Variants in AHR observed in about 807,000 individuals in gnomAD.
The protein encoded by AHR is aryl hydrocarbon receptor.
AHR carries 40 observed loss-of-function variants against 86.8 expected under a neutral mutation model. The observed-to-expected ratio is 0.46, with a 90% CI of 0.36 to 0.60. The LOEUF (loss-of-function observed/expected upper bound fraction) is 0.60. Ranked by LOEUF, AHR falls within the 20% of genes least tolerant of loss-of-function variation. The pLI, the probability that AHR is intolerant of heterozygous loss-of-function variation, is 0.00. For missense variants in AHR, 1,001 were observed against 1,011.6 expected (o/e 0.99, Z 0.14); for synonymous variants, 398 against 354.9 (o/e 1.12, Z -1.37).
rs767773568 is a variant in AHR at position 17,334,048 on chromosome 7, G to A, written c.842G>A (p.Arg281Gln). The A allele has an allele frequency of 9.9e-6, 16 of 1,613,266 alleles. No homozygotes were observed. The Admixed American group carries it at 1.8e-4, about 18-fold the overall frequency. The change falls in exon 7 of 11, where the codon CGG (arginine) becomes CAG (glutamine). Residue 281 changes from arginine (R) to glutamine (Q), a missense_variant. This residue lies in a region of AHR where 394 missense variants were observed against 468.5 expected (regional missense o/e 0.84). Coordinates refer to ENST00000242057, the MANE Select transcript of AHR (RefSeq NM_001621.5). ...CAGCCACCATCCATACTTGAAATCC[G>A]GACCAAAAATTTTATCTTTAGAACC... ...PLQPPSILEI[R>Q]TKNFIFRTKH...
intron 7 of AHR, 98 bp downstream of exon 7, chr7:17,334,212 T>C: frequency 9.8e-7 from 1 of 1,023,438 alleles, no homozygotes; most frequent in Non-Finnish European, 1.4e-6. Flanking sequence ...TAATATTGTT[T>C]ATTATTAGAT....
Position 17,340,236 on chromosome 7 carries a change from TG to T in AHR, c.2403+9del, listed in dbSNP as rs777437530. On this transcript the variant is annotated intron_variant, in intron 10 of 10. Transcript: ENST00000242057. ...CAGGCATTTTTAAACAAGGTAAGGG[TG>T]TTATCAAACTGAATTAAATCTTTCA... 4.4e-6 allele frequency: 7 copies of T among 1,580,774 alleles called. No individual in the cohort carries two copies. The South Asian group carries it at 8.1e-5, about 18-fold the overall frequency.
Position 17,327,678 on chromosome 7 carries a change from T to A in AHR, c.361-81T>A. ...TTTAACTATTTTGAAGAGAAGAATT[T>A]TCAGAGATAAAAGTAATAACCTTTA... On this transcript the variant is annotated intron_variant, in intron 3 of 10. Coordinates refer to ENST00000242057, the MANE Select transcript of AHR (RefSeq NM_001621.5). 3 of 694,490 alleles carry A rather than the reference T, an allele frequency of 4.3e-6. No homozygotes were observed. In the South Asian group the frequency reaches 8.6e-5, roughly 20 times the overall value. 43.0% of individuals were successfully genotyped at this position (694,490 alleles called of 1,614,324 possible). A position where few individuals can be genotyped will look rare whatever the true frequency, so the allele number is the denominator to read the frequency against.
At position 17,327,750 on chromosome 7, in the gene AHR, T is replaced by C; in HGVS notation, c.361-9T>C. On this transcript the variant is annotated splice_polypyrimidine_tract_variant and intron_variant, in intron 3 of 10. Transcript: ENST00000242057. ...ATATTACTAATTTTAGAACTTCCTT[T>C]CCTTGTAGGCTCTGAATGGCTTTGT... The C allele has an allele frequency of 6.5e-7, 1 of 1,526,862 alleles. No individual in the cohort carries two copies. Among genetic ancestry groups the C allele is most frequent in the Non-Finnish European group, 8.9e-7 (1 of 1,118,672 alleles). 94.6% of individuals were successfully genotyped at this position (1,526,862 alleles called of 1,614,324 possible). A position where few individuals can be genotyped will look rare whatever the true frequency, so the allele number is the denominator to read the frequency against.
intron 2 of AHR, among the ~76,000 whole-genome samples, chr7:17,311,196 T>G (rs1428801347): frequency 6.6e-6 from 1 of 152,256 alleles, no homozygotes. Flanking sequence ...AAATGGTCTT[T>G]TTAAAATATC....
At chr7:17,316,944 T>C (rs1398213564) in intron 2 of AHR, among the ~76,000 whole-genome samples, 1 of 152,102 alleles carries the variant, frequency 6.6e-6, no homozygotes, top group Non-Finnish European at 1.5e-5. Context: ...GTCTTCATCT[T>C]CTCAGCATGT....
intron 3 of AHR, among the ~76,000 whole-genome samples, chr7:17,325,184 C>G (rs142390995): frequency 3.3e-5 from 5 of 152,198 alleles, no homozygotes; most frequent in African/African-American, 9.6e-5. Context: ...AAGTAATAAC[C>G]TTGGGTCTCC....
In AHR at chr7:17,344,296, G is replaced by A. The variant is rs534747244; in HGVS notation, c.*1232G>A. On this transcript the variant is annotated 3_prime_UTR_variant, in exon 11 of 11. Transcript: ENST00000242057. ...GGTTTGGTGCAAAGTATTGTAATGA[G>A]TGAATTGAATGGTGCATTGTATAGA... 6.5e-6 allele frequency: 1 copy of A among 152,878 alleles called. No homozygotes were observed. The highest frequency in any genetic ancestry group is 6.5e-5 in the Admixed American group (1 of 15,302). 9.5% of individuals were successfully genotyped at this position (152,878 alleles called of 1,614,324 possible).
chr7:17,334,873 T>C lies in AHR; in HGVS notation c.909-14T>C. On this transcript the variant is annotated splice_polypyrimidine_tract_variant and intron_variant, in intron 7 of 10. Coordinates refer to ENST00000242057, the MANE Select transcript of AHR (RefSeq NM_001621.5). The stretch of plus-strand genomic sequence containing the variant: ...TTAATCCATTCTTATTTTACCTTTT[T>C]TTATTTTAAACAGAGGAAGAATTGT... 2.5e-6 allele frequency: 4 copies of C among 1,569,212 alleles called. No individual in the cohort carries two copies. In the South Asian group the frequency reaches 4.6e-5, roughly 18 times the overall value.
In AHR at chr7:17,324,192, T is replaced by C. The variant is rs539549362; in HGVS notation, c.360+1585T>C. Reference sequence around the variant, plus strand: ...AGAAGTTAAAATAAACTTACCTGTTTATATTGAATACCATTTGTAGATTGC... The same window carrying C: ...AGAAGTTAAAATAAACTTACCTGTTCATATTGAATACCATTTGTAGATTGC... On this transcript the variant is annotated intron_variant, in intron 3 of 10. Coordinates refer to ENST00000242057, the MANE Select transcript of AHR (RefSeq NM_001621.5). Among the ~76,000 whole-genome samples, 6 of 152,354 alleles carry C rather than the reference T, an allele frequency of 3.9e-5. No individual in the cohort carries two copies. In the South Asian group the frequency reaches 1.2e-3, roughly 32 times the overall value.
At chr7:17,309,390 C>A (rs1782039675) in intron 1 of AHR, among the ~76,000 whole-genome samples, 1 of 152,094 alleles carries the variant, frequency 6.6e-6, no homozygotes, top group Non-Finnish European at 1.5e-5. Context: ...GGCTGGAGGA[C>A]CATCTGCAGG....
At chr7:17,306,280 G>T (rs1408453985) in intron 1 of AHR, among the ~76,000 whole-genome samples, 2 of 152,088 alleles carry the variant, frequency 1.3e-5, no homozygotes, top group Non-Finnish European at 2.9e-5. Flanking sequence ...TAATTGTTCT[G>T]TATATCTTCA....
At position 17,321,831 on chromosome 7, in the gene AHR, G is replaced by C. The variant is rs559261860; in HGVS notation, c.254-670G>C. On this transcript the variant is annotated intron_variant, in intron 2 of 10. Coordinates refer to ENST00000242057, the MANE Select transcript of AHR (RefSeq NM_001621.5). ...AGACAACTTTAAAACATTCTAGCAG[G>C]ACAAAATATAGACTTGAACAAATGG... Among the ~76,000 whole-genome samples, 3 of 151,970 alleles carry C rather than the reference G, an allele frequency of 2.0e-5. No homozygotes were observed. In the East Asian group the frequency reaches 5.8e-4, roughly 29 times the overall value.
In AHR at chr7:17,334,921, C is replaced by T; in HGVS notation, c.943C>T (p.Leu315=). Residue 315 remains leucine (L), a synonymous_variant, in exon 8 of 11, where the codon CTG becomes TTG. Coordinates refer to ENST00000242057, the MANE Select transcript of AHR (RefSeq NM_001621.5). Reference sequence around the variant, plus strand: ...TGTTTTAGGATATACTGAAGCAGAGCTGTGCACGAGAGGCTCAGGTTATCA... The same window carrying T: ...TGTTTTAGGATATACTGAAGCAGAGTTGTGCACGAGAGGCTCAGGTTATCA... ...RIVLGYTEAE[L]CTRGSGYQFI... The T allele has an allele frequency of 6.2e-7, 1 of 1,612,698 alleles. No homozygotes were observed. Among genetic ancestry groups the T allele is most frequent in the Non-Finnish European group, 8.5e-7 (1 of 1,179,124 alleles).
intron 2 of AHR, among the ~76,000 whole-genome samples, chr7:17,312,745 T>A (rs1221808512): frequency 6.6e-6 from 1 of 152,234 alleles, no homozygotes; most frequent in East Asian, 1.9e-4. Flanking sequence ...GCATGATTCC[T>A]TCATCAACTA....
intron 6 of AHR, among the ~76,000 whole-genome samples, chr7:17,331,569 T>G (rs1782289093): frequency 6.6e-6 from 1 of 151,908 alleles, no homozygotes; most frequent in Non-Finnish European, 1.5e-5. Context: ...CTTACCATCT[T>G]GGGATTGAAT....
rs770847952 is a variant in AHR, at chr7:17,339,383, G to T, written c.1558G>T (p.Val520Leu). The change falls in exon 10 of 11, where the codon GTG (valine) becomes TTG (leucine). Residue 520 changes from valine to leucine, a missense_variant. By Grantham distance (32) the Val-to-Leu change is conservative. Transcript: ENST00000242057. The stretch of plus-strand genomic sequence containing the variant: ...TGAGCAAATTGACCAGCCTCAGGAT[G>T]TGAACTCATTTGCTGGAGGTCACCC... ...KHEQIDQPQDVNSFAGGHPGL... is the reference protein window; with the variant it reads ...KHEQIDQPQDLNSFAGGHPGL... 1 of 1,614,210 alleles carries T rather than the reference G, an allele frequency of 6.2e-7. No individual in the cohort carries two copies. The highest frequency in any genetic ancestry group is 1.3e-5 in the African/African-American group (1 of 75,064).
chr7:17,336,254 T>C (rs1481848502), intron 9 of AHR, among the ~76,000 whole-genome samples: 1 of 152,166 alleles, frequency 6.6e-6, no homozygotes, highest in Non-Finnish European at 1.5e-5. Context: ...CCAGCCATTA[T>C]ACGTATACCC....
intron 2 of AHR, among the ~76,000 whole-genome samples, chr7:17,316,400 C>T (rs1476582090): frequency 6.6e-6 from 1 of 152,142 alleles, no homozygotes; most frequent in Non-Finnish European, 1.5e-5. Context: ...AGGAGGACTG[C>T]TTGAAAGCAG....
Sources: gnomAD v4.1 joint callset for allele counts (sites outside exome capture counted in the v4.1 genomes callset) on GRCh38, gnomAD v4.1.1 for gene constraint, gnomAD v4.1.1 regional missense constraint, MANE v1.5 for transcripts, NCBI Gene and HGNC (gene_info 2026-07-23, HGNC 2026-07-21) for gene names.